Variants in TSN observed in about 807,000 individuals in gnomAD.
TSN encodes component 3 of promoter of RISC.
A neutral mutation model predicts 29.4 loss-of-function variants in TSN; 5 were observed. That is an observed-to-expected ratio of 0.17 (90% confidence interval 0.09 to 0.36). The LOEUF is 0.36. Among genes scored for constraint, TSN ranks in the 10% least tolerant of loss-of-function variants. TSN has a pLI of 1.00. For synonymous variants in TSN, 106 were observed against 102.2 expected (o/e 1.04, Z -0.23); for missense variants, 159 against 272.8 (o/e 0.58, Z 2.94).
intron 4 of TSN, among the ~76,000 whole-genome samples, chr2:121,762,053 C>T (rs564022268): frequency 3.3e-5 from 5 of 150,990 alleles, no homozygotes; most frequent in South Asian, 2.1e-4. Flanking sequence ...AGTGCAATGA[C>T]GCAATCTCAG....
chr2:121,755,925 A>G (rs533784411), intron 1 of TSN, 80 bp downstream of exon 1: 6 of 1,596,602 alleles, frequency 3.8e-6, no homozygotes, highest in East Asian at 2.3e-5. Context: ...TCTGTCGCTC[A>G]GTCTCGGGCG....
chr2:121,760,585 A>G (rs2074810839), intron 3 of TSN, among the ~76,000 whole-genome samples: 1 of 152,082 alleles, frequency 6.6e-6, no homozygotes, highest in African/African-American at 2.4e-5. Context: ...ATAAATATCC[A>G]CAGGTTGTAA....
intron 4 of TSN, among the ~76,000 whole-genome samples, chr2:121,762,674 T>G (rs2074848587): frequency 6.6e-6 from 1 of 151,698 alleles, no homozygotes; most frequent in Non-Finnish European, 1.5e-5. Context: ...TCATTTTGTG[T>G]GTGTCTTTGT....
At position 121,757,434 on chromosome 2, in the gene TSN, G is replaced by A. The variant is rs776392194; in HGVS notation, c.160+101G>A. ...ATGAAAAATGGCTATCATGCTTTAT[G>A]GTGAGTAAAAATTGAAGAAGTAGGT... On this transcript the variant is annotated intron_variant, in intron 2 of 5. Coordinates refer to ENST00000389682, the MANE Select transcript of TSN (RefSeq NM_004622.3). 5 of 1,569,700 alleles carry A rather than the reference G, an allele frequency of 3.2e-6. No individual in the cohort carries two copies. The South Asian group carries it at 3.5e-5, about 11-fold the overall frequency.
intron 3 of TSN, among the ~76,000 whole-genome samples, chr2:121,760,155 G>C (rs2074803484): frequency 6.6e-6 from 1 of 152,176 alleles, no homozygotes; most frequent in African/African-American, 2.4e-5. Context: ...AGTACTGCCT[G>C]AGCTCCACCT....
chr2:121,762,214 A>T lies in TSN; in HGVS notation c.373+690A>T, dbSNP rs561069792. Among the ~76,000 whole-genome samples, 142 of 146,164 alleles carry T rather than the reference A, an allele frequency of 9.7e-4. 1 individual carries two copies. Among genetic ancestry groups the T allele is most frequent in the Non-Finnish European group, 1.7e-3 (111 of 66,292 alleles). Reference sequence around the variant, plus strand: ...TCCATGTTGGTCGGGCTAGTCTTGAACTCCTGACCTCAGGTGATCCGCCTG... The same window carrying T: ...TCCATGTTGGTCGGGCTAGTCTTGATCTCCTGACCTCAGGTGATCCGCCTG... On this transcript the variant is annotated intron_variant, in intron 4 of 5. Transcript: ENST00000389682.
chr2:121,760,764 G>GT (rs1362714267), intron 3 of TSN, among the ~76,000 whole-genome samples: 1 of 151,352 alleles, frequency 6.6e-6, no homozygotes, highest in Non-Finnish European at 1.5e-5. Context: ...TCAATCATCA[G>GT]TTACAAATTT....
chr2:121,761,751 A>G (rs2074831274), intron 4 of TSN, among the ~76,000 whole-genome samples: 1 of 152,194 alleles, frequency 6.6e-6, no homozygotes, highest in African/African-American at 2.4e-5. Context: ...TATAACCTAT[A>G]CACATTCTCC....
Position 121,766,273 on chromosome 2 carries a change from C to G in TSN, c.*906C>G, listed in dbSNP as rs2074899538. 1 of 152,196 alleles carries G rather than the reference C, an allele frequency of 6.6e-6. No individual in the cohort carries two copies. Among genetic ancestry groups the G allele is most frequent in the East Asian group, 1.9e-4 (1 of 5,204 alleles). The allele number at this position is 152,196 out of a possible 1,614,324, so 9.4% of individuals were successfully genotyped here. A position where few individuals can be genotyped will look rare whatever the true frequency, so the allele number is the denominator to read the frequency against. On this transcript the variant is annotated 3_prime_UTR_variant, in exon 6 of 6. Coordinates refer to ENST00000389682, the MANE Select transcript of TSN (RefSeq NM_004622.3). ...ACTATTATGTTGTTAGAGAAAAATG[C>G]TTTGCTTTGTCTGGAAGAAAGATAA... is the stretch of plus-strand genomic sequence containing the variant.
chr2:121,757,204 G>T, intron 1 of TSN, 36 bp from the exon 2 acceptor site: 1 of 1,581,912 alleles, frequency 6.3e-7, no homozygotes, highest in African/African-American at 1.3e-5. Context: ...CAATGATTCT[G>T]TTGAGTATCT....
Position 121,763,002 on chromosome 2 carries a change from T to C in TSN, c.374-3T>C, listed in dbSNP as rs1287561607. 1.9e-6 allele frequency: 3 copies of C among 1,603,362 alleles called. No individual in the cohort carries two copies. The highest frequency in any genetic ancestry group is 2.5e-6 in the Non-Finnish European group (3 of 1,177,190). On this transcript the variant is annotated splice_polypyrimidine_tract_variant and splice_region_variant and intron_variant, in intron 4 of 5. Transcript: ENST00000389682. ...CATGACTTTATTTTCATGTGTTTTT[T>C]AGTTGAGCCAGATCGGGAGAAAGGA...
chr2:121,761,358 C>A, intron 3 of TSN, 51 bp from the exon 4 acceptor site: 7 of 1,375,036 alleles, frequency 5.1e-6, no homozygotes, highest in Non-Finnish European at 7.3e-6. Flanking sequence ...TTAAACCCAT[C>A]TTTCTGAAGG....
chr2:121,755,769 C>T lies in TSN; in HGVS notation c.-11C>T. 2 of 1,613,424 alleles carry T rather than the reference C, an allele frequency of 1.2e-6. No individual in the cohort carries two copies. The highest frequency in any genetic ancestry group is 1.7e-6 in the Non-Finnish European group (2 of 1,180,026). Reference sequence around the variant, plus strand: ...CTTGCTACACTGGCTGATTGTTGTGCAGCCGGCGCCATGTCTGTGAGCGAG... The same window carrying T: ...CTTGCTACACTGGCTGATTGTTGTGTAGCCGGCGCCATGTCTGTGAGCGAG... On this transcript the variant is annotated 5_prime_UTR_variant, in exon 1 of 6. Coordinates refer to ENST00000389682, the MANE Select transcript of TSN (RefSeq NM_004622.3).
At chr2:121,757,657 T>A (rs2074769359) in intron 2 of TSN, 5 of 238,158 alleles carry the variant, frequency 2.1e-5, no homozygotes, top group Middle Eastern at 1.6e-3. Context: ...ATTATTTTTT[T>A]AATTTTTTTT....
intron 2 of TSN, 98 bp downstream of exon 2, chr2:121,757,431 T>A (rs746502339): frequency 1.5e-5 from 23 of 1,572,754 alleles, no homozygotes; most frequent in Non-Finnish European, 1.9e-5. Flanking sequence ...TATCATGCTT[T>A]ATGGTGAGTA....
intron 4 of TSN, among the ~76,000 whole-genome samples, chr2:121,762,408 A>G (rs1033073199): frequency 3.9e-5 from 6 of 152,184 alleles, no homozygotes; most frequent in Middle Eastern, 3.2e-3. Context: ...GATTACAGGC[A>G]TGAGCCACCA....
rs1326599924 is a variant in TSN at position 121,755,683 on chromosome 2, T to G, written c.-97T>G. The stretch of plus-strand genomic sequence containing the variant: ...GCGTAAGACCGGGGGGACGCGGCGG[T>G]AGCGGCGGCCGTTGCGATTGATTGC... On this transcript the variant is annotated 5_prime_UTR_variant, in exon 1 of 6. Transcript: ENST00000389682. 39 of 1,511,174 alleles carry G rather than the reference T, an allele frequency of 2.6e-5. No individual in the cohort carries two copies. The highest frequency in any genetic ancestry group is 3.4e-5 in the Non-Finnish European group (38 of 1,104,442). 93.6% of individuals were successfully genotyped at this position (1,511,174 alleles called of 1,614,324 possible). A position where few individuals can be genotyped will look rare whatever the true frequency, so the allele number is the denominator to read the frequency against.
In TSN at chr2:121,757,341, CTT is replaced by C. The variant is rs773854993; in HGVS notation, c.160+10_160+11del. The stretch of plus-strand genomic sequence containing the variant: ...GTGCTGGGTTTCAGGACAGTAAGTT[CTT>C]TGTTTTGTATCCAATTATCAGTCTC... On this transcript the variant is annotated intron_variant, in intron 2 of 5. Coordinates refer to ENST00000389682, the MANE Select transcript of TSN (RefSeq NM_004622.3). 43 of 1,613,638 alleles carry C rather than the reference CTT, an allele frequency of 2.7e-5. No individual in the cohort carries two copies. Among genetic ancestry groups the C allele is most frequent in the Non-Finnish European group, 3.6e-5 (43 of 1,179,864 alleles).
At chr2:121,757,532 G>A (rs568112295) in intron 2 of TSN, 199 bp downstream of exon 2, 372 of 1,041,992 alleles carry the variant, frequency 3.6e-4, no homozygotes, top group South Asian at 2.6e-3. Context: ...TTTCTATTGC[G>A]AGGGCATTCT....
Sources: allele counts gnomAD v4.1 joint callset (sites outside exome capture counted in the v4.1 genomes callset), GRCh38; gene constraint gnomAD v4.1.1; transcripts MANE v1.5; gene names NCBI Gene and HGNC (gene_info 2026-07-23, HGNC 2026-07-21).